Variants in RBFOX1 observed in about 807,000 individuals in gnomAD.
The protein encoded by RBFOX1 is RNA binding fox-1 homolog 1, also known as RNA binding protein fox-1 homolog 1.
RBFOX1 carries 8 observed loss-of-function variants against 57.7 expected under a neutral mutation model. The ratio of observed to expected loss-of-function variants is 0.14; its 90% CI spans 0.08 to 0.25. RBFOX1 has a LOEUF of 0.25. Among genes scored for constraint, RBFOX1 ranks in the 10% least tolerant of loss-of-function variants. The pLI, the probability that RBFOX1 is intolerant of heterozygous loss-of-function variation, is 1.00. For missense variants in RBFOX1, 611 were observed against 548.5 expected (o/e 1.11, Z -1.14); for synonymous variants, 326 against 222.4 (o/e 1.47, Z -4.15).
intron 2 of RBFOX1, among the ~76,000 whole-genome samples, chr16:6,467,699 G>A (rs1397264970): frequency 6.6e-6 from 1 of 152,222 alleles, no homozygotes; most frequent in Non-Finnish European, 1.5e-5. Flanking sequence ...CATCCTGTGT[G>A]ATATGCCACT....
chr16:6,694,093 C>G (rs1044621556), intron 3 of RBFOX1, among the ~76,000 whole-genome samples: 11 of 152,180 alleles, frequency 7.2e-5, no homozygotes, highest in African/African-American at 2.2e-4. Context: ...TTCAATAATT[C>G]AACACCCAGG....
intron 3 of RBFOX1, among the ~76,000 whole-genome samples, chr16:6,682,516 C>G (rs1186813580): frequency 2.0e-5 from 3 of 152,102 alleles, no homozygotes; most frequent in Admixed American, 6.6e-5. Flanking sequence ...AAAAGGGTTT[C>G]TCAATCTTGG....
At chr16:6,835,553 A>G (rs1455139973) in intron 3 of RBFOX1, among the ~76,000 whole-genome samples, 1 of 151,730 alleles carries the variant, frequency 6.6e-6, no homozygotes, top group Non-Finnish European at 1.5e-5. Flanking sequence ...GGAGTTTGAG[A>G]CCAGCCTGGT....
chr16:6,241,010 A>G (rs1413475957), intron 1 of RBFOX1, among the ~76,000 whole-genome samples: 2 of 152,282 alleles, frequency 1.3e-5, no homozygotes, highest in South Asian at 2.1e-4. Context: ...TCCTCTGATC[A>G]ATACTTCGCA....
At chr16:6,436,756 A>G (rs1279632976) in intron 2 of RBFOX1, among the ~76,000 whole-genome samples, 1 of 152,154 alleles carries the variant, frequency 6.6e-6, no homozygotes, top group East Asian at 1.9e-4. Flanking sequence ...GAGATGTAGT[A>G]GTAACTCAGT....
chr16:5,335,044 C>A (rs2064860280), intron 1 of RBFOX1, among the ~76,000 whole-genome samples: 2 of 152,210 alleles, frequency 1.3e-5, no homozygotes, highest in Non-Finnish European at 2.9e-5. Flanking sequence ...CAAAGTGATT[C>A]CAAAAAAAGT....
intron 2 of RBFOX1, among the ~76,000 whole-genome samples, chr16:5,493,726 T>G (rs2042910911): frequency 6.6e-6 from 1 of 152,236 alleles, no homozygotes; most frequent in African/African-American, 2.4e-5. Context: ...TTGCTTGCTC[T>G]GCTCATTAAA....
Position 7,710,954 on chromosome 16 carries a change from G to A in RBFOX1, c.*209G>A. On this transcript the variant is annotated 3_prime_UTR_variant, in exon 16 of 16. Coordinates refer to ENST00000550418, the MANE Select transcript of RBFOX1 (RefSeq NM_018723.4). The stretch of plus-strand genomic sequence containing the variant: ...TATTGTGGGTCTTTAATTTCTGAAG[G>A]TTCCGTAGTTTGGTTGCTGGCTGTA... 1 of 577,720 alleles carries A rather than the reference G, an allele frequency of 1.7e-6. No individual in the cohort carries two copies. Among genetic ancestry groups the A allele is most frequent in the Non-Finnish European group, 2.6e-6 (1 of 385,180 alleles). The allele number at this position is 577,720 out of a possible 1,614,324, so 35.8% of individuals were successfully genotyped here.
intron 4 of RBFOX1, among the ~76,000 whole-genome samples, chr16:7,385,600 T>G (rs941914232): frequency 1.3e-5 from 2 of 152,100 alleles, no homozygotes; most frequent in African/African-American, 4.8e-5. Flanking sequence ...GAAGATAGAT[T>G]AGGTGGTGGT....
At chr16:7,123,461 C>A (rs150791273) in intron 4 of RBFOX1, among the ~76,000 whole-genome samples, 129 of 152,248 alleles carry the variant, frequency 8.5e-4, no homozygotes, top group African/African-American at 3.0e-3. Flanking sequence ...ACCTCCTGGG[C>A]TCAGGTGATC....
intron 3 of RBFOX1, among the ~76,000 whole-genome samples, chr16:5,640,142 G>A (rs1463093463): frequency 1.3e-5 from 2 of 152,136 alleles, no homozygotes; most frequent in African/African-American, 4.8e-5. Context: ...CGCTTACCCA[G>A]GCGTGTGACT....
intron 1 of RBFOX1, among the ~76,000 whole-genome samples, chr16:6,315,770 C>A (rs997693960): frequency 1.1e-4 from 17 of 152,188 alleles, no homozygotes; most frequent in Admixed American, 1.1e-3. Context: ...ATTCTTGGGT[C>A]TCTCTGCAGG....
chr16:6,437,625 A>G (rs922426295), intron 2 of RBFOX1, among the ~76,000 whole-genome samples: 2 of 152,158 alleles, frequency 1.3e-5, no homozygotes, highest in African/African-American at 4.8e-5. Flanking sequence ...ATTTATAAAG[A>G]AAAGAGGTTT....
chr16:6,658,547 C>T (rs2098677481), intron 3 of RBFOX1, among the ~76,000 whole-genome samples: 1 of 152,128 alleles, frequency 6.6e-6, no homozygotes, highest in Non-Finnish European at 1.5e-5. Flanking sequence ...AATCATTCTT[C>T]TTTATCTGCG....
At chr16:7,184,905 T>C (rs566132873) in intron 4 of RBFOX1, among the ~76,000 whole-genome samples, 1 of 152,232 alleles carries the variant, frequency 6.6e-6, no homozygotes, top group Non-Finnish European at 1.5e-5. Flanking sequence ...ATATTAACCA[T>C]AATAATGCTT....
intron 4 of RBFOX1, among the ~76,000 whole-genome samples, chr16:5,949,223 A>G (rs2059467697): frequency 6.6e-6 from 1 of 152,162 alleles, no homozygotes; most frequent in Non-Finnish European, 1.5e-5. Flanking sequence ...CTGTGTCCAA[A>G]TCCTCACAGC....
intron 2 of RBFOX1, among the ~76,000 whole-genome samples, chr16:6,405,998 G>C (rs898640464): frequency 4.6e-5 from 7 of 152,182 alleles, no homozygotes; most frequent in African/African-American, 1.7e-4. Context: ...AGGAAGGTGA[G>C]AACGCAGAGG....
At chr16:7,183,970 A>G (rs1269229063) in intron 4 of RBFOX1, among the ~76,000 whole-genome samples, 2 of 152,200 alleles carry the variant, frequency 1.3e-5, no homozygotes, top group Admixed American at 6.5e-5. Context: ...TGATGACGTC[A>G]TTAAAGAACT....
intron 2 of RBFOX1, among the ~76,000 whole-genome samples, chr16:6,620,825 A>G (rs937111212): frequency 6.6e-6 from 1 of 152,218 alleles, no homozygotes; most frequent in African/African-American, 2.4e-5. Flanking sequence ...TTTTACTTTC[A>G]AGCACGTTCT....
Sources: allele counts gnomAD v4.1 joint callset (sites outside exome capture counted in the v4.1 genomes callset), GRCh38; gene constraint gnomAD v4.1.1; transcripts MANE v1.5; gene names NCBI Gene and HGNC (gene_info 2026-07-23, HGNC 2026-07-21).